TNFAIP8: variants seen among roughly 807,000 people sequenced by gnomAD.
TNFAIP8 encodes the protein TNF alpha induced protein 8.
In TNFAIP8, 7 loss-of-function variants were observed where a neutral mutation model predicts 13.3. The ratio of observed to expected loss-of-function variants is 0.52; its 90% CI spans 0.30 to 0.99. The LOEUF (loss-of-function observed/expected upper bound fraction) is 0.99, where lower values mean the gene tolerates loss of function less well. Among genes scored for constraint, TNFAIP8 ranks in the 50% least tolerant of loss-of-function variants. The pLI, the probability that TNFAIP8 is intolerant of heterozygous loss-of-function variation, is 0.07. For missense variants in TNFAIP8, 258 were observed against 236.9 expected, an observed-to-expected ratio of 1.09 and a Z score of -0.58; for synonymous variants, 94 against 87.6, an observed-to-expected ratio of 1.07 and a Z score of -0.41.
chr5:119,363,762 G>A (rs1027736528), intron 1 of TNFAIP8, among the ~76,000 whole-genome samples: 12 of 152,178 alleles, frequency 7.9e-5, no homozygotes, highest in Non-Finnish European at 1.8e-4. Context: ...ATTGTCCAGA[G>A]TTAGGGCAGA....
intron 1 of TNFAIP8, among the ~76,000 whole-genome samples, chr5:119,335,714 A>G (rs932272173): frequency 1.3e-5 from 2 of 152,158 alleles, no homozygotes; most frequent in South Asian, 4.1e-4. Flanking sequence ...GTACTAAGGC[A>G]GTGAACAAAG....
intron 1 of TNFAIP8, among the ~76,000 whole-genome samples, chr5:119,386,937 A>G (rs1752700710): frequency 6.7e-6 from 1 of 149,490 alleles, no homozygotes; most frequent in Non-Finnish European, 1.5e-5. Context: ...TAGAGTTCAT[A>G]TCTGTGCTGC....
At chr5:119,362,600 G>A (rs774993915) in intron 1 of TNFAIP8, among the ~76,000 whole-genome samples, 11 of 151,092 alleles carry the variant, frequency 7.3e-5, no homozygotes, top group African/African-American at 2.2e-4. Context: ...GTTCAAGACC[G>A]GCCTGGGCAA....
intron 1 of TNFAIP8, among the ~76,000 whole-genome samples, chr5:119,320,903 C>T (rs749416353): frequency 7.3e-5 from 11 of 150,180 alleles, no homozygotes; most frequent in African/African-American, 2.5e-4. Context: ...AAACAAAAAA[C>T]GAAAAACAAA....
intron 1 of TNFAIP8, among the ~76,000 whole-genome samples, chr5:119,272,178 G>A (rs1472893290): frequency 6.6e-6 from 1 of 152,200 alleles, no homozygotes; most frequent in Non-Finnish European, 1.5e-5. Flanking sequence ...GAGCCAAGGG[G>A]TATCTTGGAA....
At chr5:119,287,105 A>G (rs73794108) in intron 1 of TNFAIP8, among the ~76,000 whole-genome samples, 5,620 of 152,118 alleles carry the variant, frequency 0.037, 353 homozygotes, top group African/African-American at 0.13. Flanking sequence ...GCCAGTTCAG[A>G]TGCTGCCTCC....
chr5:119,348,771 T>C (rs548531715), intron 1 of TNFAIP8, among the ~76,000 whole-genome samples: 2 of 150,670 alleles, frequency 1.3e-5, no homozygotes, highest in Non-Finnish European at 2.9e-5. Flanking sequence ...TCTCAGCTAC[T>C]CGGGAGATTG....
At chr5:119,392,510 C>T (rs527828500) in intron 1 of TNFAIP8, among the ~76,000 whole-genome samples, 1 of 152,210 alleles carries the variant, frequency 6.6e-6, no homozygotes, top group African/African-American at 2.4e-5. Context: ...TCTGCCTCAG[C>T]CTCCTGAGTA....
At chr5:119,314,660 C>T (rs1749831263) in intron 1 of TNFAIP8, among the ~76,000 whole-genome samples, 1 of 152,192 alleles carries the variant, frequency 6.6e-6, no homozygotes, top group Admixed American at 6.5e-5. Flanking sequence ...AGAGACAGTA[C>T]TGTGTAGTGG....
rs112399641 is a variant in TNFAIP8, at chr5:119,306,951, C to T, written c.1+38044C>T. The stretch of plus-strand genomic sequence containing the variant: ...CATATTAAGGCATGCACGTTTCATA[C>T]ATATATGTACAAATAGGATCAAACT... On this transcript the variant is annotated intron_variant, in intron 1 of 1. Coordinates refer to the TNFAIP8 transcript ENST00000274456. Among the ~76,000 whole-genome samples the T allele has an allele frequency of 4.3e-3, 658 of 152,332 alleles. 1 individual carries two copies. The highest frequency in any genetic ancestry group is 0.015 in the African/African-American group (620 of 41,570).
At chr5:119,314,202 CAAAAA>C (rs558403873) in intron 1 of TNFAIP8, among the ~76,000 whole-genome samples, 12 of 126,938 alleles carry the variant, frequency 9.5e-5, no homozygotes, top group African/African-American at 2.5e-4. Context: ...AACAAACAAA[CAAAAA>C]AACCATGTCT....
Position 119,356,031 on chromosome 5 carries a change from T to TG in TNFAIP8, c.-59dup, listed in dbSNP as rs1751391965. 3.2e-6 allele frequency: 5 copies of TG among 1,543,254 alleles called. No homozygotes were observed. In the Admixed American group the frequency reaches 7.9e-5, roughly 24 times the overall value. On this transcript the variant is annotated 5_prime_UTR_variant, in exon 1 of 2. Transcript: ENST00000504771. ...TGCGGATTTCGCTGCAGAGCGAACT[T>TG]GCGGCTCGTCCGAGTACATGTGAGC...
intron 1 of TNFAIP8, among the ~76,000 whole-genome samples, chr5:119,309,266 G>T (rs1395062208): frequency 6.6e-6 from 1 of 152,200 alleles, no homozygotes; most frequent in Non-Finnish European, 1.5e-5. Context: ...TTCTGTGGGT[G>T]CCTCTGCATC....
At chr5:119,337,937 G>A (rs1044766548) in intron 1 of TNFAIP8, among the ~76,000 whole-genome samples, 1 of 152,184 alleles carries the variant, frequency 6.6e-6, no homozygotes, top group African/African-American at 2.4e-5. Flanking sequence ...CTGCGGAGCC[G>A]CAGGTGGACT....
At chr5:119,331,184 A>C (rs1177346866) in intron 1 of TNFAIP8, among the ~76,000 whole-genome samples, 1 of 151,656 alleles carries the variant, frequency 6.6e-6, no homozygotes, top group Non-Finnish European at 1.5e-5. Flanking sequence ...CACAAGTCCT[A>C]GGGAAGCATG....
intron 1 of TNFAIP8, among the ~76,000 whole-genome samples, chr5:119,295,727 G>A (rs1362254182): frequency 5.3e-5 from 8 of 152,076 alleles, no homozygotes; most frequent in Non-Finnish European, 1.2e-4. Context: ...GGGCAGTATG[G>A]CCATTTTCAC....
At chr5:119,269,203 C>A (rs1031367859) in intron 1 of TNFAIP8, among the ~76,000 whole-genome samples, 9 of 152,210 alleles carry the variant, frequency 5.9e-5, no homozygotes, top group Non-Finnish European at 1.3e-4. Flanking sequence ...TTAACCACCT[C>A]CTGCCGTGAG....
rs1013117522 is a variant in TNFAIP8, at chr5:119,393,492, CTT to C, written c.*113_*114del. Reference sequence around the variant, plus strand: ...AAAGATTACACATATTTCAGAAAGACTTTACCCAATTCAGTTGTCAGACATAA... The same window carrying C: ...AAAGATTACACATATTTCAGAAAGACTACCCAATTCAGTTGTCAGACATAA... On this transcript the variant is annotated 3_prime_UTR_variant, in exon 2 of 2. Coordinates refer to ENST00000504771, the MANE Select transcript of TNFAIP8 (RefSeq NM_014350.4). 3.1e-5 allele frequency: 33 copies of C among 1,068,124 alleles called. No homozygotes were observed. Among genetic ancestry groups the C allele is most frequent in the Non-Finnish European group, 4.1e-5 (31 of 748,868 alleles). 66.2% of individuals were successfully genotyped at this position (1,068,124 alleles called of 1,614,324 possible). A position where few individuals can be genotyped will look rare whatever the true frequency, so the allele number is the denominator to read the frequency against.
intron 1 of TNFAIP8, among the ~76,000 whole-genome samples, chr5:119,341,529 C>T (rs932566959): frequency 2.6e-5 from 4 of 152,232 alleles, no homozygotes; most frequent in Non-Finnish European, 5.9e-5. Context: ...TGTGTTTGCT[C>T]AGTCTCAGAG....
Sources: allele counts gnomAD v4.1 joint callset (sites outside exome capture counted in the v4.1 genomes callset), GRCh38; gene constraint gnomAD v4.1.1; transcripts MANE v1.5; gene names NCBI Gene and HGNC (gene_info 2026-07-23, HGNC 2026-07-21).